COL24A1: variants seen among roughly 807,000 people sequenced by gnomAD.
The protein encoded by COL24A1 is collagen type XXIV alpha 1 chain, also known as collagen alpha-1(XXIV) chain.
Under a neutral mutation model 253.9 loss-of-function variants are expected in COL24A1, and 224 were observed. The ratio of observed to expected loss-of-function variants is 0.88; its 90% CI spans 0.79 to 0.99. The LOEUF (loss-of-function observed/expected upper bound fraction) is 0.99, where lower values mean the gene tolerates loss of function less well. COL24A1 is among the 50% of genes least tolerant of loss of function. COL24A1 has a pLI of 0.00. For missense variants in COL24A1, 2,131 were observed against 2,068.5 expected (o/e 1.03, Z -0.59); for synonymous variants, 685 against 673.7 (o/e 1.02, Z -0.26).
intron 47 of COL24A1, among the ~76,000 whole-genome samples, chr1:85,810,739 C>T (rs766807664): frequency 1.8e-4 from 28 of 152,086 alleles, no homozygotes; most frequent in Non-Finnish European, 3.4e-4. Flanking sequence ...CTGCTTTCAC[C>T]GTGTGATGTG....
rs192652894 is a variant in COL24A1, at chr1:85,949,120, A to T, written c.2562+12129T>A. ...TCCTTACTCTTACCCGTTTTGTTAT[A>T]TTATTCTAAGATATTTTGTTTCCAA... On this transcript the variant is annotated intron_variant, in intron 24 of 59. Coordinates refer to ENST00000370571, the MANE Select transcript of COL24A1 (RefSeq NM_152890.7). Among the ~76,000 whole-genome samples, 290 of 152,232 alleles carry T rather than the reference A, an allele frequency of 1.9e-3. 1 individual carries two copies. Among genetic ancestry groups the T allele is most frequent in the African/African-American group, 6.5e-3 (272 of 41,550 alleles).
chr1:85,894,927 A>G (rs567000742), intron 31 of COL24A1, among the ~76,000 whole-genome samples: 73 of 152,318 alleles, frequency 4.8e-4, no homozygotes, highest in African/African-American at 1.7e-3. Flanking sequence ...TTAATACTGT[A>G]GCGGCTAAAA....
chr1:86,140,439 T>C (rs558192746), intron 2 of COL24A1, among the ~76,000 whole-genome samples: 2 of 152,218 alleles, frequency 1.3e-5, no homozygotes, highest in Non-Finnish European at 2.9e-5. Flanking sequence ...GAAATGAAGC[T>C]CTAAGCTGTG....
chr1:85,926,165 T>C (rs1189282808), intron 24 of COL24A1, among the ~76,000 whole-genome samples: 34 of 152,220 alleles, frequency 2.2e-4, no homozygotes, highest in Middle Eastern at 3.4e-3. Flanking sequence ...CATTAAAAAG[T>C]CAGGAAACAA....
intron 2 of COL24A1, among the ~76,000 whole-genome samples, chr1:86,136,409 G>T (rs1251607732): frequency 6.8e-5 from 10 of 147,032 alleles, no homozygotes; most frequent in African/African-American, 2.2e-4. Flanking sequence ...GCACATTTTG[G>T]GGATTTGCAG....
chr1:85,976,716 C>T (rs1692719141), intron 20 of COL24A1, among the ~76,000 whole-genome samples: 1 of 152,162 alleles, frequency 6.6e-6, no homozygotes, highest in Non-Finnish European at 1.5e-5. Context: ...GGCTGGAGGC[C>T]AACCAACTCA....
rs746891310 is a variant in COL24A1 at position 85,847,689 on chromosome 1, A to C, written c.3438T>G (p.Gly1146=). ...CCACAGCACCTCTAGTTCCTCTGGC[A>C]CCCTTAGGACCACTTTTCCCAATTT... The part of the protein sequence containing the change: ...PGKIGKSGPK[G]ARGTRGAVGH... The change falls in exon 39 of 60, where the codon GGT becomes GGG. Residue 1146 remains glycine (G), a synonymous_variant. Coordinates refer to ENST00000370571, the MANE Select transcript of COL24A1 (RefSeq NM_152890.7). 1.2e-6 allele frequency: 2 copies of C among 1,613,396 alleles called. No homozygotes were observed. Among genetic ancestry groups the C allele is most frequent in the Non-Finnish European group, 1.7e-6 (2 of 1,179,602 alleles).
intron 43 of COL24A1, among the ~76,000 whole-genome samples, chr1:85,837,979 C>A (rs192745504): frequency 9.9e-5 from 15 of 151,998 alleles, no homozygotes; most frequent in Admixed American, 7.9e-4. Context: ...ACACTGAATA[C>A]GTTCTACACA....
chr1:85,822,779 T>TTCACCCTTGATATCTGA (rs778937620), intron 45 of COL24A1, among the ~76,000 whole-genome samples: 63 of 152,294 alleles, frequency 4.1e-4, no homozygotes, highest in Middle Eastern at 3.4e-3. Context: ...AGCAAGAACC[T>TTCACCCTTGATATCTGA]TCACCCTTGA....
intron 32 of COL24A1, among the ~76,000 whole-genome samples, chr1:85,886,584 G>A (rs1185219060): frequency 6.6e-6 from 1 of 151,818 alleles, no homozygotes; most frequent in Non-Finnish European, 1.5e-5. Flanking sequence ...AGAATCGCTT[G>A]AACCTGGGAG....
chr1:86,032,670 T>C (rs1385383547), intron 13 of COL24A1, among the ~76,000 whole-genome samples: 1 of 152,196 alleles, frequency 6.6e-6, no homozygotes. Context: ...TTTCAAATTC[T>C]GTTTGGAAAC....
intron 53 of COL24A1, among the ~76,000 whole-genome samples, chr1:85,771,671 C>T (rs780143872): frequency 9.2e-5 from 14 of 152,170 alleles, no homozygotes; most frequent in Middle Eastern, 3.4e-3. Flanking sequence ...CTTGAGGAAT[C>T]GCCACACTGT....
chr1:85,988,107 A>AG (rs1375521702), intron 19 of COL24A1, among the ~76,000 whole-genome samples: 1 of 151,408 alleles, frequency 6.6e-6, no homozygotes, highest in Non-Finnish European at 1.5e-5. Context: ...TGATAAAAAA[A>AG]AAAAACAGCA....
chr1:85,908,537 T>G, intron 27 of COL24A1, 61 bp downstream of exon 27: 1 of 942,596 alleles, frequency 1.1e-6, no homozygotes, highest in Non-Finnish European at 1.6e-6. Context: ...GCATAACAAT[T>G]TATGAGTTTA....
chr1:85,980,808 C>A (rs1460145038), intron 20 of COL24A1, among the ~76,000 whole-genome samples: 1 of 152,046 alleles, frequency 6.6e-6, no homozygotes, highest in Non-Finnish European at 1.5e-5. Flanking sequence ...ACTTGAGAGG[C>A]TAAGGCAGGA....
chr1:85,978,953 C>T (rs778747879), intron 20 of COL24A1, among the ~76,000 whole-genome samples: 28 of 152,076 alleles, frequency 1.8e-4, no homozygotes, highest in Non-Finnish European at 1.3e-4. Context: ...AAACAAGTCT[C>T]AATAAATTTA....
chr1:86,030,750 CTTTTTTTTT>C (rs10708970), intron 14 of COL24A1, among the ~76,000 whole-genome samples: 1 of 142,974 alleles, frequency 7.0e-6, no homozygotes, highest in Non-Finnish European at 1.5e-5. Context: ...TTTTTTCTTT[CTTTTTTTTT>C]TTTTTTGTTG....
At chr1:85,825,326 T>C (rs1280539970) in intron 43 of COL24A1, among the ~76,000 whole-genome samples, 1 of 152,144 alleles carries the variant, frequency 6.6e-6, no homozygotes, top group African/African-American at 2.4e-5. Flanking sequence ...TCTATCATTG[T>C]TGGACATTTG....
intron 5 of COL24A1, among the ~76,000 whole-genome samples, chr1:86,102,026 T>TA (rs1704500082): frequency 6.6e-6 from 1 of 151,790 alleles, no homozygotes; most frequent in South Asian, 2.1e-4. Context: ...CTTTTTTTTT[T>TA]AACCAAAAAA....
Sources: allele counts gnomAD v4.1 joint callset (sites outside exome capture counted in the v4.1 genomes callset), GRCh38; gene constraint gnomAD v4.1.1; transcripts MANE v1.5; gene names NCBI Gene and HGNC (gene_info 2026-07-23, HGNC 2026-07-21).